The following SGCZ variants were observed in gnomAD, a reference collection of about 807,000 sequenced individuals.
The protein encoded by SGCZ is zeta-sarcoglycan.
Under a neutral mutation model 41.3 loss-of-function variants are expected in SGCZ, and 40 were observed. That is an observed-to-expected ratio of 0.97 (90% CI 0.75 to 1.26). SGCZ has a LOEUF of 1.26. Among genes scored for constraint, SGCZ ranks in the 50% most tolerant of loss-of-function variants. The probability of loss-of-function intolerance (pLI) is 0.00; values close to 1 mark genes in which losing one functional copy is unlikely to be tolerated. For synonymous variants in SGCZ, 206 were observed against 137.5 expected, an observed-to-expected ratio of 1.50 and a Z score of -3.49; for missense variants, 552 against 369.8, an observed-to-expected ratio of 1.49 and a Z score of -4.04.
intron 2 of SGCZ, among the ~76,000 whole-genome samples, chr8:14,439,297 T>C (rs980607955): frequency 8.7e-5 from 11 of 125,916 alleles, no homozygotes; most frequent in African/African-American, 2.8e-4. Context: ...AAAGAAAATA[T>C]ATAGAAGAAA....
chr8:14,102,359 A>C lies in SGCZ; in HGVS notation c.744+17T>G, dbSNP rs1333066758. 6 of 1,461,880 alleles carry C rather than the reference A, an allele frequency of 4.1e-6. No individual in the cohort carries two copies. The African/African-American group carries it at 7.1e-5, about 17-fold the overall frequency. The allele number at this position is 1,461,880 out of a possible 1,614,324, so 90.6% of individuals were successfully genotyped here. On this transcript the variant is annotated intron_variant, in intron 7 of 7. Transcript: ENST00000382080. Reference sequence around the variant, plus strand: ...AGTGGGCAGTATAGGGCGAGGGTCCAACTTTCTGGGACTCACCTCCCCTTC... The same window carrying C: ...AGTGGGCAGTATAGGGCGAGGGTCCCACTTTCTGGGACTCACCTCCCCTTC...
intron 2 of SGCZ, among the ~76,000 whole-genome samples, chr8:14,446,975 AG>A (rs1040851861): frequency 9.2e-5 from 14 of 152,216 alleles, no homozygotes; most frequent in Admixed American, 7.9e-4. Flanking sequence ...TTCAAGCAAA[AG>A]CTTTAGATCT....
chr8:15,003,929 T>A (rs989950863), intron 1 of SGCZ, among the ~76,000 whole-genome samples: 1 of 152,080 alleles, frequency 6.6e-6, no homozygotes, highest in Non-Finnish European at 1.5e-5. Context: ...ATGAAATACA[T>A]CTCATGCTCC....
In SGCZ at chr8:14,886,026, T is replaced by TAC. The variant is rs1337080108; in HGVS notation, c.40-331101_40-331100insGT. On this transcript the variant is annotated intron_variant, in intron 1 of 7. Transcript: ENST00000382080. ...ATATATATATATATATATATATATA[T>TAC]ATATATATAAAATTGTATACTTAGC... 1.5e-3 allele frequency among the ~76,000 whole-genome samples: 177 copies of TAC among 114,926 alleles called. 2 individuals carry two copies. Among genetic ancestry groups the TAC allele is most frequent in the Admixed American group, 3.3e-3 (37 of 11,330 alleles). 75.4% of individuals were successfully genotyped at this position (114,926 alleles called of 152,430 possible).
chr8:14,777,898 CAAAAAA>C (rs200331185), intron 1 of SGCZ, among the ~76,000 whole-genome samples: 4 of 119,242 alleles, frequency 3.4e-5, no homozygotes, highest in African/African-American at 1.2e-4. Context: ...AAATTATTTC[CAAAAAA>C]AAAAAAAAAG....
chr8:14,602,122 A>AAAAATAAAATAAAATAAT (rs1255232878), intron 1 of SGCZ, among the ~76,000 whole-genome samples: 1 of 151,962 alleles, frequency 6.6e-6, no homozygotes, highest in African/African-American at 2.4e-5. Flanking sequence ...TCCGTCTGAA[A>AAAAATAAAATAAAATAAT]AAAATAAAAT....
chr8:14,191,480 C>G (rs896678590), intron 4 of SGCZ, among the ~76,000 whole-genome samples: 3 of 152,096 alleles, frequency 2.0e-5, no homozygotes, highest in Admixed American at 2.0e-4. Flanking sequence ...AGGTATAGAT[C>G]TTTAATCCAT....
intron 1 of SGCZ, among the ~76,000 whole-genome samples, chr8:14,749,024 T>C (rs930071249): frequency 5.9e-5 from 9 of 152,114 alleles, no homozygotes; most frequent in African/African-American, 2.2e-4. Context: ...TATACAAAAA[T>C]AAGGTTGACT....
intron 1 of SGCZ, among the ~76,000 whole-genome samples, chr8:14,627,884 G>A (rs997548248): frequency 5.3e-5 from 8 of 151,962 alleles, no homozygotes; most frequent in Admixed American, 1.3e-4. Context: ...TGTTTAAATG[G>A]AAAAGCCAAT....
At chr8:14,103,366 G>C (rs1802095406) in intron 6 of SGCZ, among the ~76,000 whole-genome samples, 1 of 152,292 alleles carries the variant, frequency 6.6e-6, no homozygotes, top group Middle Eastern at 3.4e-3. Context: ...GGTCTTTTTA[G>C]ATCAGCTTTC....
At chr8:15,236,677 AT>A (rs71211020) in intron 1 of SGCZ, among the ~76,000 whole-genome samples, 63,265 of 151,512 alleles carry the variant, frequency 0.42, 15,290 homozygotes, top group Non-Finnish European at 0.56. Flanking sequence ...ATAAATATAT[AT>A]ATTTTTTTTT....
At chr8:14,609,901 C>A (rs569964850) in intron 1 of SGCZ, among the ~76,000 whole-genome samples, 2 of 152,178 alleles carry the variant, frequency 1.3e-5, no homozygotes, top group East Asian at 3.9e-4. Context: ...AGTATGACAG[C>A]TTTGAGCACC....
chr8:14,886,149 C>T (rs1358509214), intron 1 of SGCZ, among the ~76,000 whole-genome samples: 2 of 150,860 alleles, frequency 1.3e-5, no homozygotes, highest in Non-Finnish European at 2.9e-5. Flanking sequence ...TTAAGCCAGA[C>T]CGTTAGTATT....
intron 4 of SGCZ, among the ~76,000 whole-genome samples, chr8:14,206,521 T>C (rs1167186965): frequency 6.6e-6 from 1 of 152,158 alleles, no homozygotes; most frequent in East Asian, 1.9e-4. Context: ...TTATAAAACA[T>C]TTGAAATCCT....
At chr8:14,435,010 A>C (rs79247248) in intron 2 of SGCZ, among the ~76,000 whole-genome samples, 5,169 of 152,328 alleles carry the variant, frequency 0.034, 124 homozygotes, top group Middle Eastern at 0.054. Flanking sequence ...ATTTAAAAAA[A>C]TAATTACCAA....
intron 1 of SGCZ, among the ~76,000 whole-genome samples, chr8:14,689,900 C>T (rs1484786243): frequency 6.6e-6 from 1 of 152,140 alleles, no homozygotes; most frequent in Non-Finnish European, 1.5e-5. Flanking sequence ...TTGTTTATGA[C>T]AATGTCACTT....
chr8:14,811,401 C>G (rs940752182), intron 1 of SGCZ, among the ~76,000 whole-genome samples: 10 of 151,084 alleles, frequency 6.6e-5, no homozygotes, highest in African/African-American at 2.4e-4. Flanking sequence ...ACTCCACTGG[C>G]TTTGTTTATA....
At chr8:14,790,649 A>C (rs1010753000) in intron 1 of SGCZ, among the ~76,000 whole-genome samples, 10 of 152,220 alleles carry the variant, frequency 6.6e-5, no homozygotes, top group Admixed American at 3.3e-4. Context: ...TTAAGTAATA[A>C]GATTGATTCC....
chr8:14,957,508 T>C (rs147386310), intron 1 of SGCZ, among the ~76,000 whole-genome samples: 17 of 152,148 alleles, frequency 1.1e-4, no homozygotes, highest in African/African-American at 3.4e-4. Flanking sequence ...ATATTTAATA[T>C]ACATGTTTAG....
Sources: allele counts gnomAD v4.1 joint callset (sites outside exome capture counted in the v4.1 genomes callset), GRCh38; gene constraint gnomAD v4.1.1; transcripts MANE v1.5; gene names NCBI Gene and HGNC (gene_info 2026-07-23, HGNC 2026-07-21).